Variants in OR51M1 observed in about 807,000 individuals in gnomAD.
OR51M1 encodes the protein olfactory receptor 51M1.
For synonymous variants in OR51M1, 199 were observed against 155.1 expected (o/e 1.28, Z -2.10); for missense variants, 509 against 404.4 (o/e 1.26, Z -2.22).
rs1174507674 is a variant in OR51M1, at chr11:5,391,382, G to GTAA, written c.*1005_*1007dup. The stretch of plus-strand genomic sequence containing the variant: ...TTCCCGTTGTAACATTTGTCACACA[G>GTAA]TAATGTCCTGTTTATGAAGGTGTGT... On this transcript the variant is annotated 3_prime_UTR_variant, in exon 3 of 3. Transcript: ENST00000642046. 1.3e-5 allele frequency: 2 copies of GTAA among 152,172 alleles called. No homozygotes were observed. The highest frequency in any genetic ancestry group is 4.8e-5 in the African/African-American group (2 of 41,428). The allele number at this position is 152,172 out of a possible 1,614,324, so 9.4% of individuals were successfully genotyped here. A position where few individuals can be genotyped will look rare whatever the true frequency, so the allele number is the denominator to read the frequency against.
rs756479150 is a variant in OR51M1 at position 5,389,819 on chromosome 11, C to G, written c.421C>G (p.Pro141Ala). Residue 141 changes from proline (P) to alanine (A), a missense_variant, in exon 3 of 3, where the codon CCT becomes GCT. Physicochemically the swap from Pro to Ala is conservative, Grantham distance 27 (BLOSUM62 -1). Coordinates refer to ENST00000642046, the MANE Select transcript of OR51M1 (RefSeq NM_001004756.3). ...SFDRLVAICH[P>A]LRYSVIITGQ... is the part of the protein sequence containing the mutation. ...TGACCGCCTTGTGGCCATCTGCCAC[C>G]CTCTGAGGTATTCGGTCATTATCAC... is the stretch of plus-strand genomic sequence containing the variant. The G allele has an allele frequency of 6.2e-7, 1 of 1,613,870 alleles. No homozygotes were observed. Among genetic ancestry groups the G allele is most frequent in the East Asian group, 2.2e-5 (1 of 44,878 alleles).
rs201152025 is a variant in OR51M1, at chr11:5,389,820, C to T, written c.422C>T (p.Pro141Leu). 1.3e-4 allele frequency: 211 copies of T among 1,613,918 alleles called. 4 individuals are homozygous for T. The South Asian group carries it at 2.1e-3, about 16-fold the overall frequency. The change falls in exon 3 of 3, where the codon CCT becomes CTT. Residue 141 changes from proline (P) to leucine (L), a missense_variant. Pro to Leu is a moderately conservative substitution (Grantham distance 98, BLOSUM62 -3). Coordinates refer to ENST00000642046, the MANE Select transcript of OR51M1 (RefSeq NM_001004756.3). Reference sequence around the variant, plus strand: ...GACCGCCTTGTGGCCATCTGCCACCCTCTGAGGTATTCGGTCATTATCACT... The same window carrying T: ...GACCGCCTTGTGGCCATCTGCCACCTTCTGAGGTATTCGGTCATTATCACT... The part of the protein sequence containing the change: ...SFDRLVAICH[P>L]LRYSVIITGQ...
Position 5,389,983 on chromosome 11 carries a change from AG to A in OR51M1, c.586del (p.Val196Ter), listed in dbSNP as rs1849768448. 6.2e-7 allele frequency: 1 copy of A among 1,612,548 alleles called. No individual in the cohort carries two copies. The highest frequency in any genetic ancestry group is 8.5e-7 in the Non-Finnish European group (1 of 1,179,888). On this transcript the variant is annotated frameshift_variant, in exon 3 of 3. Coordinates refer to ENST00000642046, the MANE Select transcript of OR51M1 (RefSeq NM_001004756.3). LOFTEE classifies it low-confidence loss of function (END_TRUNC). ...CCCACTCATTTTGCCTGCACCAGGA[AG>A]TGATACAGCTGGCCTGCACAGATAT... ...LSHSFCLHQE[V>X]IQLACTDITF... is the part of the protein sequence containing the mutation.
At position 5,389,381 on chromosome 11, in the gene OR51M1, C is replaced by T. The variant is rs1389265594; in HGVS notation, c.-15-3C>T. On this transcript the variant is annotated splice_region_variant and splice_polypyrimidine_tract_variant and intron_variant, in intron 2 of 2. Coordinates refer to ENST00000642046, the MANE Select transcript of OR51M1 (RefSeq NM_001004756.3). ...ATAACCAGAAATATCCATTTATTTTCAGCTCAATCCCCGAGGAATGTCAGT... is the reference window on the plus strand; with the variant it reads ...ATAACCAGAAATATCCATTTATTTTTAGCTCAATCCCCGAGGAATGTCAGT... 1 of 1,605,086 alleles carries T rather than the reference C, an allele frequency of 6.2e-7. No individual in the cohort carries two copies. The highest frequency in any genetic ancestry group is 8.5e-7 in the Non-Finnish European group (1 of 1,174,140).
intron 2 of OR51M1, among the ~76,000 whole-genome samples, chr11:5,387,550 G>A (rs956984627): frequency 1.3e-5 from 2 of 151,964 alleles, no homozygotes; most frequent in East Asian, 3.8e-4. Flanking sequence ...AAAATTCAAA[G>A]TAGCTTGCGT....
Position 5,389,374 on chromosome 11 carries a change from T to C in OR51M1, c.-15-10T>C. On this transcript the variant is annotated splice_polypyrimidine_tract_variant and intron_variant, in intron 2 of 2. Transcript: ENST00000642046. ...AGAATTAATAACCAGAAATATCCAT[T>C]TATTTTCAGCTCAATCCCCGAGGAA... is the stretch of plus-strand genomic sequence containing the variant. The C allele has an allele frequency of 6.2e-7, 1 of 1,602,580 alleles. No individual in the cohort carries two copies. The highest frequency in any genetic ancestry group is 8.5e-7 in the Non-Finnish European group (1 of 1,172,974).
Position 5,390,415 on chromosome 11 carries a change from GA to G in OR51M1, c.*38del. The G allele has an allele frequency of 6.6e-7, 1 of 1,509,876 alleles. No homozygotes were observed. Among genetic ancestry groups the G allele is most frequent in the Non-Finnish European group, 8.9e-7 (1 of 1,125,578 alleles). The allele number at this position is 1,509,876 out of a possible 1,614,324, so 93.5% of individuals were successfully genotyped here. A position where few individuals can be genotyped will look rare whatever the true frequency, so the allele number is the denominator to read the frequency against. The stretch of plus-strand genomic sequence containing the variant: ...TAAAACTCCCCCTAGAGGCCTATAA[GA>G]AGGCCCCAAATTGGACTGAAAATTT... On this transcript the variant is annotated 3_prime_UTR_variant, in exon 3 of 3. Transcript: ENST00000642046.
chr11:5,386,033 C>T (rs755243173), intron 2 of OR51M1, among the ~76,000 whole-genome samples: 17 of 151,454 alleles, frequency 1.1e-4, no homozygotes, highest in African/African-American at 2.4e-4. Context: ...ACAGGTACTA[C>T]GTGAGAACAG....
Position 5,389,281 on chromosome 11 carries a change from G to C in OR51M1, c.-15-103G>C, listed in dbSNP as rs76916051. The C allele has an allele frequency of 2.1e-5, 20 of 960,970 alleles. 1 individual carries two copies. In the South Asian group the frequency reaches 2.9e-4, roughly 14 times the overall value. The allele number at this position is 960,970 out of a possible 1,614,324, so 59.5% of individuals were successfully genotyped here. A position where few individuals can be genotyped will look rare whatever the true frequency, so the allele number is the denominator to read the frequency against. ...GATTGGCAGAATTCATAAGGGTGGA[G>C]TAGATAATACTAAAGGTGATGATGA... On this transcript the variant is annotated intron_variant, in intron 2 of 2. Transcript: ENST00000642046.
Position 5,389,640 on chromosome 11 carries a change from C to A in OR51M1, c.242C>A (p.Thr81Asn). Residue 81 changes from threonine (T) to asparagine (N), a missense_variant, in exon 3 of 3, where the codon ACT becomes AAT. By Grantham distance (65) the Thr-to-Asn change is moderately conservative. Coordinates refer to ENST00000642046, the MANE Select transcript of OR51M1 (RefSeq NM_001004756.3). ...MYYLLSLLALTDLGLCVSTLP... is the reference protein window; with the variant it reads ...MYYLLSLLALNDLGLCVSTLP... Reference sequence around the variant, plus strand: ...TATCTACTATCCTTGCTGGCCCTCACTGACCTGGGGCTGTGTGTGTCCACG... The same window carrying A: ...TATCTACTATCCTTGCTGGCCCTCAATGACCTGGGGCTGTGTGTGTCCACG... The A allele has an allele frequency of 6.2e-7, 1 of 1,613,732 alleles. No homozygotes were observed. Among genetic ancestry groups the A allele is most frequent in the Non-Finnish European group, 8.5e-7 (1 of 1,179,900 alleles).
At chr11:5,387,653 T>C (rs773043885) in intron 2 of OR51M1, among the ~76,000 whole-genome samples, 1 of 152,170 alleles carries the variant, frequency 6.6e-6, no homozygotes, top group Non-Finnish European at 1.5e-5. Context: ...TGAATATACA[T>C]TGGCCTTCTT....
In OR51M1 at chr11:5,386,557, G is replaced by C. The variant is rs569571282; in HGVS notation, c.-16+1099G>C. Reference sequence around the variant, plus strand: ...ATCACCACAGATCTTTTACAAGTTTGAACTTTATTCTAATGATAGGAGCTA... The same window carrying C: ...ATCACCACAGATCTTTTACAAGTTTCAACTTTATTCTAATGATAGGAGCTA... On this transcript the variant is annotated intron_variant, in intron 2 of 2. Coordinates refer to ENST00000642046, the MANE Select transcript of OR51M1 (RefSeq NM_001004756.3). 5.3e-5 allele frequency among the ~76,000 whole-genome samples: 8 copies of C among 152,100 alleles called. No individual in the cohort carries two copies. In the South Asian group the frequency reaches 1.5e-3, roughly 28 times the overall value.
rs1169951697 is a variant in OR51M1, at chr11:5,391,853, G to T, written c.*1474G>T. The T allele has an allele frequency of 6.6e-6, 1 of 152,178 alleles. No homozygotes were observed. The highest frequency in any genetic ancestry group is 1.5e-5 in the Non-Finnish European group (1 of 68,080). The allele number at this position is 152,178 out of a possible 1,614,324, so 9.4% of individuals were successfully genotyped here. Reference sequence around the variant, plus strand: ...CCAACTTCAGGCAAGAAGATTACTTGAGTCCAGGAGTTTGAGACCAGCCTG... The same window carrying T: ...CCAACTTCAGGCAAGAAGATTACTTTAGTCCAGGAGTTTGAGACCAGCCTG... On this transcript the variant is annotated 3_prime_UTR_variant, in exon 3 of 3. Transcript: ENST00000642046.
At chr11:5,386,247 T>C (rs1168097074) in intron 2 of OR51M1, among the ~76,000 whole-genome samples, 1 of 151,762 alleles carries the variant, frequency 6.6e-6, no homozygotes, top group Non-Finnish European at 1.5e-5. Flanking sequence ...TATGGGTGTG[T>C]TGACTGGGAA....
At chr11:5,387,577 C>T (rs912449513) in intron 2 of OR51M1, among the ~76,000 whole-genome samples, 2 of 152,178 alleles carry the variant, frequency 1.3e-5, no homozygotes, top group Non-Finnish European at 2.9e-5. Context: ...CAAGATCATA[C>T]ATGACGTAGC....
At position 5,389,498 on chromosome 11, in the gene OR51M1, G is replaced by A. The variant is rs1849755910; in HGVS notation, c.100G>A (p.Gly34Ser). ...TCTCACCAGCTTTCCTGGATTGGAA[G>A]GCATCAAACACTGGATTTTCATCCC... The part of the protein sequence containing the change: ...FYLTSFPGLE[G>S]IKHWIFIPFF... Residue 34 changes from glycine (G) to serine (S), a missense_variant, in exon 3 of 3, where the codon GGC becomes AGC. By Grantham distance (56) the Gly-to-Ser change is moderately conservative. Transcript: ENST00000642046. The A allele has an allele frequency of 1.2e-6, 2 of 1,613,852 alleles. No homozygotes were observed. Among genetic ancestry groups the A allele is most frequent in the African/African-American group, 2.7e-5 (2 of 74,918 alleles).
intron 2 of OR51M1, among the ~76,000 whole-genome samples, chr11:5,386,765 T>C (rs1439323730): frequency 6.6e-6 from 1 of 151,302 alleles, no homozygotes; most frequent in Non-Finnish European, 1.5e-5. Flanking sequence ...TGAAGATGAA[T>C]AGATTACAGG....
chr11:5,384,362 G>C (rs1259214416), intron 1 of OR51M1, among the ~76,000 whole-genome samples: 2 of 152,138 alleles, frequency 1.3e-5, no homozygotes, highest in African/African-American at 2.4e-5. Flanking sequence ...TTTTCACTTG[G>C]AAAATGAAGT....
rs192486764 is a variant in OR51M1 at position 5,389,664 on chromosome 11, C to T, written c.266C>T (p.Thr89Met). ...ACTGACCTGGGGCTGTGTGTGTCCA[C>T]GTTGCCCACCACTATGGGGATCTTC... ...ALTDLGLCVS[T>M]LPTTMGIFWF... Residue 89 changes from threonine (T) to methionine (M), a missense_variant, in exon 3 of 3, where the codon ACG (threonine) becomes ATG (methionine). Transcript: ENST00000642046. 1,361 of 1,613,612 alleles carry T rather than the reference C, an allele frequency of 8.4e-4. 4 individuals are homozygous for T. Among genetic ancestry groups the T allele is most frequent in the Middle Eastern group, 5.1e-3 (31 of 6,062 alleles).
Sources: allele counts gnomAD v4.1 joint callset (sites outside exome capture counted in the v4.1 genomes callset), GRCh38; gene constraint gnomAD v4.1.1; transcripts MANE v1.5; gene names NCBI Gene and HGNC (gene_info 2026-07-23, HGNC 2026-07-21).